The following FRMD4B variants were observed in gnomAD, a reference collection of about 807,000 sequenced individuals.
FRMD4B encodes the protein FERM domain-containing protein 4B.
A neutral mutation model predicts 141.5 loss-of-function variants in FRMD4B; 74 were observed. The ratio of observed to expected loss-of-function variants is 0.52; its 90% CI spans 0.43 to 0.63. The LOEUF (loss-of-function observed/expected upper bound fraction) is 0.63, where lower values mean the gene tolerates loss of function less well. FRMD4B is among the 30% of genes least tolerant of loss of function. FRMD4B has a pLI of 0.00. For missense variants in FRMD4B, 1,366 were observed against 1,253.4 expected (o/e 1.09, Z -1.36); for synonymous variants, 506 against 467.9 (o/e 1.08, Z -1.05).
chr3:69,285,245 A>C lies in FRMD4B; in HGVS notation c.501+2507T>G, dbSNP rs1437319014. Among the ~76,000 whole-genome samples, 9 of 116,882 alleles carry C rather than the reference A, an allele frequency of 7.7e-5. No individual in the cohort carries two copies. The Admixed American group carries it at 8.4e-4, about 11-fold the overall frequency. 76.7% of individuals were successfully genotyped at this position (116,882 alleles called of 152,430 possible). ...TTAATGGCAGATTAGATTGCAAAAA[A>C]CAGATGAGGGAAACTGAAGACAAAG... On this transcript the variant is annotated intron_variant, in intron 5 of 22. Transcript: ENST00000398540.
At chr3:69,189,221 T>TCA (rs2092808118) in intron 18 of FRMD4B, among the ~76,000 whole-genome samples, 1 of 31,726 alleles carries the variant, frequency 3.2e-5, no homozygotes, top group Non-Finnish European at 5.5e-5. Context: ...AAACTCCATC[T>TCA]CAAAAAAAAA....
At chr3:69,233,310 T>C (rs7619150) in intron 7 of FRMD4B, among the ~76,000 whole-genome samples, 139,334 of 151,560 alleles carry the variant, frequency 0.92, 64,361 homozygotes, top group Non-Finnish European at 0.96. Flanking sequence ...GGTGAAACCT[T>C]GTCTCTATGA....
At chr3:69,541,288 G>A (rs755733502) in intron 1 of FRMD4B, 1 of 152,204 alleles carries the variant, frequency 6.6e-6, no homozygotes, top group Non-Finnish European at 1.5e-5. Context: ...AGTTCGCGAA[G>A]TTCAGAGGAC....
At chr3:69,232,021 C>T (rs547496101) in intron 7 of FRMD4B, among the ~76,000 whole-genome samples, 11 of 152,124 alleles carry the variant, frequency 7.2e-5, no homozygotes, top group Admixed American at 4.6e-4. Context: ...CCTCCCTGGC[C>T]GGCTGGGCAG....
At chr3:69,201,781 A>G (rs1374740065) in intron 11 of FRMD4B, among the ~76,000 whole-genome samples, 3 of 152,190 alleles carry the variant, frequency 2.0e-5, no homozygotes, top group Non-Finnish European at 4.4e-5. Context: ...TAGCTCATGC[A>G]CCTTGCCTCA....
chr3:69,200,783 G>T, intron 11 of FRMD4B: 1 of 774,042 alleles, frequency 1.3e-6, no homozygotes, highest in Non-Finnish European at 1.9e-6. Context: ...GGCTGTTTTA[G>T]GAAGACATTT....
intron 19 of FRMD4B, among the ~76,000 whole-genome samples, chr3:69,187,096 G>T (rs1182978966): frequency 5.3e-5 from 8 of 152,098 alleles, no homozygotes; most frequent in Admixed American, 5.2e-4. Context: ...TTGCAGAGTG[G>T]ACTTTAACGA....
chr3:69,477,680 C>A (rs1706027302), intron 1 of FRMD4B, among the ~76,000 whole-genome samples: 6 of 151,858 alleles, frequency 4.0e-5, no homozygotes, highest in Non-Finnish European at 8.8e-5. Flanking sequence ...TTGGTTATGT[C>A]TCTGCCAGGC....
At chr3:69,393,146 C>T (rs891592452) in intron 2 of FRMD4B, among the ~76,000 whole-genome samples, 51 of 152,138 alleles carry the variant, frequency 3.4e-4, no homozygotes, top group African/African-American at 2.4e-5. Flanking sequence ...ATATCCACCA[C>T]TAAGGCACCT....
chr3:69,500,727 A>G (rs115399023), intron 1 of FRMD4B, among the ~76,000 whole-genome samples: 3 of 150,154 alleles, frequency 2.0e-5, no homozygotes, highest in African/African-American at 7.4e-5. Flanking sequence ...ACACAGAGGG[A>G]AGCAGTGACT....
rs781662739 is a variant in FRMD4B, at chr3:69,253,181, C to CTTTT, written c.502-3083_502-3082insAAAA. On this transcript the variant is annotated intron_variant, in intron 5 of 22. Coordinates refer to ENST00000398540, the MANE Select transcript of FRMD4B (RefSeq NM_015123.3). ...AGGGAAATTAGTGAAAATATGATTC[C>CTTTT]TATTTTTTTTTTTTTTTTTTTTTGC... is the stretch of plus-strand genomic sequence containing the variant. 2.1e-4 allele frequency among the ~76,000 whole-genome samples: 26 copies of CTTTT among 121,956 alleles called. 2 individuals carry two copies. Among genetic ancestry groups the CTTTT allele is most frequent in the South Asian group, 2.8e-4 (1 of 3,604 alleles). The allele number at this position is 121,956 out of a possible 152,430, so 80.0% of individuals were successfully genotyped here.
At chr3:69,309,436 A>G (rs1405760072) in intron 3 of FRMD4B, among the ~76,000 whole-genome samples, 1 of 151,210 alleles carries the variant, frequency 6.6e-6, no homozygotes, top group Non-Finnish European at 1.5e-5. Context: ...GCCACTCTTA[A>G]TGTAAATATA....
chr3:69,328,590 A>G (rs1702260337), intron 1 of FRMD4B, among the ~76,000 whole-genome samples: 1 of 152,218 alleles, frequency 6.6e-6, no homozygotes, highest in African/African-American at 2.4e-5. Context: ...GATACAGGTC[A>G]TAAAGACTCA....
At chr3:69,312,187 G>A (rs1701618134) in intron 2 of FRMD4B, among the ~76,000 whole-genome samples, 1 of 152,188 alleles carries the variant, frequency 6.6e-6, no homozygotes, top group African/African-American at 2.4e-5. Context: ...AGAATGCCTG[G>A]AGTGATAATT....
intron 11 of FRMD4B, chr3:69,200,505 G>A: frequency 9.7e-7 from 1 of 1,031,266 alleles, no homozygotes; most frequent in Non-Finnish European, 1.2e-6. Context: ...GCTCCGGTGA[G>A]TTCTGAACTG....
intron 1 of FRMD4B, chr3:69,472,451 A>G: frequency 2.2e-6 from 1 of 448,344 alleles, no homozygotes; most frequent in Non-Finnish European, 4.4e-6. Context: ...GGCCAAACGG[A>G]AGACCAGCCA....
intron 1 of FRMD4B, among the ~76,000 whole-genome samples, chr3:69,330,788 C>T (rs1339704987): frequency 1.3e-5 from 2 of 152,160 alleles, no homozygotes; most frequent in African/African-American, 4.8e-5. Flanking sequence ...TGTGCCACCA[C>T]GCCCGGCCTC....
intron 1 of FRMD4B, among the ~76,000 whole-genome samples, chr3:69,497,802 T>A (rs1231367369): frequency 6.6e-6 from 1 of 152,014 alleles, no homozygotes. Flanking sequence ...TGCACTGCAG[T>A]CTCAAACTCC....
intron 1 of FRMD4B, among the ~76,000 whole-genome samples, chr3:69,512,141 C>G (rs373565224): frequency 6.6e-6 from 1 of 152,174 alleles, no homozygotes; most frequent in East Asian, 1.9e-4. Flanking sequence ...TAAGCAAGGA[C>G]CAGATAAAAA....
Sources: allele counts gnomAD v4.1 joint callset (sites outside exome capture counted in the v4.1 genomes callset), GRCh38; gene constraint gnomAD v4.1.1; transcripts MANE v1.5; gene names NCBI Gene and HGNC (gene_info 2026-07-23, HGNC 2026-07-21).